The following CCDC33 variants were observed in gnomAD, a reference collection of about 807,000 sequenced individuals.
The protein encoded by CCDC33 is coiled-coil domain containing 33, also known as coiled-coil domain-containing protein 33.
In CCDC33, 94 loss-of-function variants were observed where a neutral mutation model predicts 91.9. That is an observed-to-expected ratio of 1.02 (90% CI 0.87 to 1.21). The LOEUF (loss-of-function observed/expected upper bound fraction) is 1.21, where lower values mean the gene tolerates loss of function less well. Ranked by LOEUF, CCDC33 falls within the 50% of genes most tolerant of loss-of-function variation. CCDC33 has a pLI of 0.00. For missense variants in CCDC33, 940 were observed against 935.5 expected, an observed-to-expected ratio of 1.00 and a Z score of -0.06; for synonymous variants, 396 against 374.5, an observed-to-expected ratio of 1.06 and a Z score of -0.66.
chr15:74,243,972 G>T lies in CCDC33; in HGVS notation c.22-13G>T, dbSNP rs778321793. Reference sequence around the variant, plus strand: ...AAAAAAAAAAAAACACTCAGCCCTGGCTCTCCCCACAGAACACTGAAGACC... The same window carrying T: ...AAAAAAAAAAAAACACTCAGCCCTGTCTCTCCCCACAGAACACTGAAGACC... On this transcript the variant is annotated splice_polypyrimidine_tract_variant and intron_variant, in intron 1 of 18. Coordinates refer to ENST00000398814, the MANE Select transcript of CCDC33 (RefSeq NM_025055.5). 1.3e-6 allele frequency: 2 copies of T among 1,581,200 alleles called. No homozygotes were observed. Among genetic ancestry groups the T allele is most frequent in the Middle Eastern group, 3.4e-4 (2 of 5,810 alleles).
At chr15:74,237,477 T>G (rs764280564) in intron 1 of CCDC33, among the ~76,000 whole-genome samples, 1 of 152,180 alleles carries the variant, frequency 6.6e-6, no homozygotes, top group African/African-American at 2.4e-5. Flanking sequence ...TACTTGCAAA[T>G]GGGGGATACC....
At chr15:74,303,648 A>G (rs2059836839) in intron 11 of CCDC33, 1 of 152,496 alleles carries the variant, frequency 6.6e-6, no homozygotes, top group East Asian at 1.9e-4. Flanking sequence ...TCACCTCTCC[A>G]AGCATCCCTG....
At chr15:74,309,412 T>C (rs1254104391) in intron 11 of CCDC33, among the ~76,000 whole-genome samples, 1 of 152,188 alleles carries the variant, frequency 6.6e-6, no homozygotes, top group Non-Finnish European at 1.5e-5. Flanking sequence ...AGAATGCCCT[T>C]CCTGAGCAGC....
chr15:74,241,736 C>G (rs2075355731), intron 1 of CCDC33, among the ~76,000 whole-genome samples: 1 of 152,174 alleles, frequency 6.6e-6, no homozygotes, highest in Admixed American at 6.5e-5. Context: ...TGTCTGGGAC[C>G]TGAGTGCTGA....
At chr15:74,283,131 C>T (rs2059400567) in intron 10 of CCDC33, among the ~76,000 whole-genome samples, 1 of 152,112 alleles carries the variant, frequency 6.6e-6, no homozygotes, top group African/African-American at 2.4e-5. Flanking sequence ...GGCCTGAGAC[C>T]CCATTAGCAC....
intron 11 of CCDC33, among the ~76,000 whole-genome samples, chr15:74,327,499 G>T (rs1428013680): frequency 1.3e-5 from 2 of 152,148 alleles, no homozygotes; most frequent in East Asian, 3.9e-4. Context: ...GCTGGGCGTG[G>T]TGGTGCACGC....
chr15:74,312,350 C>T (rs968120607), intron 11 of CCDC33, among the ~76,000 whole-genome samples: 1 of 152,212 alleles, frequency 6.6e-6, no homozygotes, highest in African/African-American at 2.4e-5. Context: ...AGCAGCCGCC[C>T]CAGCCCAGGA....
intron 2 of CCDC33, among the ~76,000 whole-genome samples, chr15:74,260,552 A>G (rs1695969515): frequency 1.3e-5 from 2 of 152,218 alleles, no homozygotes; most frequent in African/African-American, 4.8e-5. Flanking sequence ...GGAGCTGAAC[A>G]TGCTTTCTTT....
rs966248496 is a variant in CCDC33 at position 74,280,784 on chromosome 15, G to T, written c.1006G>T (p.Glu336Ter). ...TGKGLDGLHV[E>*]RLPIMDTSLK... is the part of the protein sequence containing the mutation. ...GAAAGGCTTGGACGGGCTTCACGTG[G>T]AGCGGCTCCCCATCATGGTGAGCCC... Residue 336 changes from glutamate to a stop codon, truncating the protein, a stop_gained, in exon 9 of 19, where the codon GAG becomes TAG. Coordinates refer to ENST00000398814, the MANE Select transcript of CCDC33 (RefSeq NM_025055.5). LOFTEE classifies it high-confidence loss of function. 3 of 1,543,058 alleles carry T rather than the reference G, an allele frequency of 1.9e-6. No individual in the cohort carries two copies. The Admixed American group carries it at 5.9e-5, about 30-fold the overall frequency.
At position 74,236,428 on chromosome 15, in the gene CCDC33, T is replaced by C; in HGVS notation, c.-292T>C. The C allele has an allele frequency of 2.4e-6, 1 of 420,452 alleles. No individual in the cohort carries two copies. Among genetic ancestry groups the C allele is most frequent in the Non-Finnish European group, 4.2e-6 (1 of 236,252 alleles). The allele number at this position is 420,452 out of a possible 1,614,324, so 26.0% of individuals were successfully genotyped here. Reference sequence around the variant, plus strand: ...TGCCTCATTGCTGACCCTGTCCAGCTGGCCATGGCCCTCAACCCCCAAGGC... The same window carrying C: ...TGCCTCATTGCTGACCCTGTCCAGCCGGCCATGGCCCTCAACCCCCAAGGC... On this transcript the variant is annotated 5_prime_UTR_variant, in exon 1 of 19. Transcript: ENST00000398814.
chr15:74,272,071 G>A (rs1484618851), intron 6 of CCDC33, among the ~76,000 whole-genome samples: 3 of 152,184 alleles, frequency 2.0e-5, no homozygotes, highest in Admixed American at 6.5e-5. Flanking sequence ...GATGAGTGCC[G>A]ATACCAGGCC....
At chr15:74,287,822 G>A (rs1243118211) in intron 10 of CCDC33, among the ~76,000 whole-genome samples, 4 of 152,110 alleles carry the variant, frequency 2.6e-5, no homozygotes, top group Non-Finnish European at 5.9e-5. Context: ...AGGAAGCTTA[G>A]GATGGGGCAG....
At chr15:74,318,633 C>T (rs371903347) in intron 11 of CCDC33, 1 of 768,262 alleles carries the variant, frequency 1.3e-6, no homozygotes, top group Non-Finnish European at 2.4e-6. Flanking sequence ...CCCAAGGCTG[C>T]CCCAGGCCTC....
At chr15:74,217,798 G>C (rs1032415777) in intron 1 of CCDC33, among the ~76,000 whole-genome samples, 24 of 152,092 alleles carry the variant, frequency 1.6e-4, no homozygotes, top group African/African-American at 5.6e-4. Context: ...TGCCTGTCAC[G>C]CAAGGTCAGG....
At chr15:74,205,694 G>A (rs1472140935) in intron 1 of CCDC33, among the ~76,000 whole-genome samples, 1 of 152,214 alleles carries the variant, frequency 6.6e-6, no homozygotes, top group Non-Finnish European at 1.5e-5. Flanking sequence ...CCCAGGGGCT[G>A]CAGCCAGGCT....
At chr15:74,225,115 G>GGTGT (rs1424751006) in intron 2 of CCDC33, among the ~76,000 whole-genome samples, 6 of 117,112 alleles carry the variant, frequency 5.1e-5, no homozygotes, top group African/African-American at 1.8e-4. Context: ...ACCTCCTGGA[G>GGTGT]GCGTGTGTGT....
At chr15:74,209,287 G>C (rs1182195515) in intron 1 of CCDC33, 35 of 1,351,908 alleles carry the variant, frequency 2.6e-5, no homozygotes, top group Non-Finnish European at 3.6e-5. Context: ...CAGTGGAGAA[G>C]CCTGCACAGG....
At chr15:74,270,615 A>G (rs2076287440) in intron 5 of CCDC33, among the ~76,000 whole-genome samples, 1 of 152,186 alleles carries the variant, frequency 6.6e-6, no homozygotes, top group Non-Finnish European at 1.5e-5. Flanking sequence ...AAGAGGAATG[A>G]GAGCCGAGTG....
At chr15:74,320,777 T>C (rs2060190815) in intron 11 of CCDC33, among the ~76,000 whole-genome samples, 1 of 152,168 alleles carries the variant, frequency 6.6e-6, no homozygotes, top group Non-Finnish European at 1.5e-5. Flanking sequence ...CACTGGGCTA[T>C]GCCCTTGCCG....
Sources: allele counts gnomAD v4.1 joint callset (sites outside exome capture counted in the v4.1 genomes callset), GRCh38; gene constraint gnomAD v4.1.1; transcripts MANE v1.5; gene names NCBI Gene and HGNC (gene_info 2026-07-23, HGNC 2026-07-21).